Variants in SLC12A1 observed in about 807,000 individuals in gnomAD.
The protein encoded by SLC12A1 is solute carrier family 12 member 1.
In SLC12A1, 89 loss-of-function variants were observed where a neutral mutation model predicts 130.4. That is an observed-to-expected ratio of 0.68 (90% CI 0.58 to 0.81). The LOEUF (loss-of-function observed/expected upper bound fraction) is 0.81. Among genes scored for constraint, SLC12A1 ranks in the 40% least tolerant of loss-of-function variants. The pLI is 0.00. For missense variants in SLC12A1, 1,310 were observed against 1,336.4 expected, an observed-to-expected ratio of 0.98 and a Z score of 0.31; for synonymous variants, 499 against 460.0, an observed-to-expected ratio of 1.08 and a Z score of -1.09.
chr15:48,240,030 C>CATATATATATAT (rs796802835), intron 9 of SLC12A1, among the ~76,000 whole-genome samples: 27 of 13,128 alleles, frequency 2.1e-3, no homozygotes, highest in East Asian at 0.014. Flanking sequence ...TATATATATC[C>CATATATATATAT]ATATATATAT....
At position 48,207,672 on chromosome 15, in the gene SLC12A1, T is replaced by A. The variant is rs1457576858; in HGVS notation, c.-48T>A. 6.9e-7 allele frequency: 1 copy of A among 1,451,204 alleles called. No homozygotes were observed. Among genetic ancestry groups the A allele is most frequent in the Non-Finnish European group, 9.1e-7 (1 of 1,093,984 alleles). 89.9% of individuals were successfully genotyped at this position (1,451,204 alleles called of 1,614,324 possible). On this transcript the variant is annotated 5_prime_UTR_variant, in exon 2 of 27. The change creates a premature stop within an existing upstream ORF in the 5' untranslated region. Transcript: ENST00000380993. ...TTGATGAAGAAATATATAGATTTTT[T>A]AAAACAACCACAAAGTAGATAGCTC... is the stretch of plus-strand genomic sequence containing the variant.
At chr15:48,276,430 T>A (rs2041954969) in intron 20 of SLC12A1, among the ~76,000 whole-genome samples, 1 of 152,068 alleles carries the variant, frequency 6.6e-6, no homozygotes, top group Non-Finnish European at 1.5e-5. Flanking sequence ...AAAGAGGTAA[T>A]TAAGGTAAAA....
Position 48,244,013 on chromosome 15 carries a change from C to T in SLC12A1, c.1301-740C>T, listed in dbSNP as rs2041548290. Among the ~76,000 whole-genome samples the T allele has an allele frequency of 1.3e-5, 2 of 152,122 alleles. 1 individual carries two copies. Among genetic ancestry groups the T allele is most frequent in the Admixed American group, 1.3e-4 (2 of 15,278 alleles). On this transcript the variant is annotated intron_variant, in intron 10 of 26. Coordinates refer to ENST00000380993, the MANE Select transcript of SLC12A1 (RefSeq NM_000338.3). ...AGTGATTAAAATATATATCAAGAGT[C>T]TTCTAAATGACCATAATTCTATTTT...
chr15:48,292,156 G>A (rs1446537856), intron 24 of SLC12A1, among the ~76,000 whole-genome samples: 8 of 152,198 alleles, frequency 5.3e-5, no homozygotes, highest in Admixed American at 1.3e-4. Context: ...AGAGCAGCAC[G>A]AAGTGCAAGG....
chr15:48,277,291 T>C (rs1260557851), intron 20 of SLC12A1, among the ~76,000 whole-genome samples: 1 of 149,688 alleles, frequency 6.7e-6, no homozygotes, highest in Non-Finnish European at 1.5e-5. Flanking sequence ...AATGGAAGAG[T>C]TGGCCTGAAA....
chr15:48,208,276 C>A, intron 2 of SLC12A1, 137 bp downstream of exon 2: 1 of 855,344 alleles, frequency 1.2e-6, no homozygotes, highest in Non-Finnish European at 1.7e-6. Flanking sequence ...ATCTTACTTA[C>A]AAAACTGTCC....
At chr15:48,235,764 G>A (rs1284747225) in intron 9 of SLC12A1, among the ~76,000 whole-genome samples, 6 of 152,034 alleles carry the variant, frequency 3.9e-5, no homozygotes, top group Non-Finnish European at 8.8e-5. Flanking sequence ...AATAAGAAAA[G>A]TCTGCTCCAA....
intron 17 of SLC12A1, among the ~76,000 whole-genome samples, chr15:48,267,266 T>G (rs2041842062): frequency 6.6e-6 from 1 of 152,210 alleles, no homozygotes; most frequent in Non-Finnish European, 1.5e-5. Context: ...AGTCACATTT[T>G]CAGTATTTTC....
chr15:48,212,786 A>C (rs1597395404), intron 2 of SLC12A1, among the ~76,000 whole-genome samples: 2 of 152,328 alleles, frequency 1.3e-5, no homozygotes, highest in Non-Finnish European at 2.9e-5. Flanking sequence ...GACAAATATT[A>C]TTCTTAAAGA....
intron 2 of SLC12A1, 92 bp downstream of exon 2, chr15:48,208,231 C>G: frequency 2.4e-6 from 3 of 1,275,038 alleles, no homozygotes; most frequent in Middle Eastern, 1.9e-4. Context: ...GAATGTGAAA[C>G]AGTCAAATGG....
chr15:48,230,626 A>G, intron 7 of SLC12A1, 123 bp downstream of exon 7: 1 of 692,886 alleles, frequency 1.4e-6, no homozygotes, highest in Non-Finnish European at 2.6e-6. Flanking sequence ...TGAAATGAGC[A>G]GGCAAGTGCT....
At chr15:48,289,391 TGACATATA>T (rs1566857899) in intron 23 of SLC12A1, among the ~76,000 whole-genome samples, 1 of 33,622 alleles carries the variant, frequency 3.0e-5, no homozygotes, top group African/African-American at 1.1e-4. Flanking sequence ...GCTGTGAATG[TGACATATA>T]TATATATATA....
chr15:48,262,752 T>C (rs1486086219), intron 17 of SLC12A1, among the ~76,000 whole-genome samples: 2 of 152,216 alleles, frequency 1.3e-5, no homozygotes, highest in African/African-American at 2.4e-5. Flanking sequence ...TCATTTGTTC[T>C]TTTGTACCTA....
rs199510900 is a variant in SLC12A1 at position 48,220,646 on chromosome 15, A to G, written c.433A>G (p.Thr145Ala). ...CTATAAAATGCAGAATGTGGCAGTC[A>G]CCCCAAGTTCAGCTGACAGAGTTGC... ...HEQLAKNVAV[T>A]PSSADRVANG... Residue 145 changes from threonine (T) to alanine (A), a missense_variant, in exon 3 of 27, where the codon ACC becomes GCC. Transcript: ENST00000380993. 1.8e-5 allele frequency: 29 copies of G among 1,613,240 alleles called. No individual in the cohort carries two copies. Among genetic ancestry groups the G allele is most frequent in the Non-Finnish European group, 1.9e-5 (22 of 1,179,556 alleles).
intron 20 of SLC12A1, among the ~76,000 whole-genome samples, chr15:48,275,330 A>G (rs2041940848): frequency 1.3e-5 from 2 of 152,210 alleles, no homozygotes; most frequent in Non-Finnish European, 2.9e-5. Context: ...AAGAAAAAAC[A>G]ATGCTTTTCT....
chr15:48,220,581 G>T, intron 2 of SLC12A1, 53 bp from the exon 3 acceptor site: 1 of 1,519,212 alleles, frequency 6.6e-7, no homozygotes. Context: ...AAGTTTCATG[G>T]AACCCTTTGT....
In SLC12A1 at chr15:48,288,508, A is replaced by C; in HGVS notation, c.2865A>C (p.Glu955Asp). 1 of 1,485,494 alleles carries C rather than the reference A, an allele frequency of 6.7e-7. No individual in the cohort carries two copies. The highest frequency in any genetic ancestry group is 9.2e-7 in the Non-Finnish European group (1 of 1,086,148). The allele number at this position is 1,485,494 out of a possible 1,614,324, so 92.0% of individuals were successfully genotyped here. Reference sequence around the variant, plus strand: ...GGAAGATCAACCGCATTGAAGAAGAAAAAATTGTGTAAGTAGTTTGCCACT... The same window carrying C: ...GGAAGATCAACCGCATTGAAGAAGACAAAATTGTGTAAGTAGTTTGCCACT... ...VGGKINRIEEEKIVMASLLSK... is the reference protein window; with the variant it reads ...VGGKINRIEEDKIVMASLLSK... Residue 955 changes from glutamate to aspartate, a missense_variant, in exon 23 of 27, where the codon GAA becomes GAC. Physicochemically the swap from Glu to Asp is conservative, Grantham distance 45. Transcript: ENST00000380993.
At chr15:48,294,069 G>T (rs1404490311) in intron 24 of SLC12A1, among the ~76,000 whole-genome samples, 1 of 150,278 alleles carries the variant, frequency 6.7e-6, no homozygotes, top group African/African-American at 2.5e-5. Context: ...AGAAAAAGGA[G>T]CCAAGCACTG....
chr15:48,288,271 A>G, intron 22 of SLC12A1, 97 bp downstream of exon 22: 1 of 1,281,004 alleles, frequency 7.8e-7, no homozygotes, highest in Admixed American at 2.2e-5. Flanking sequence ...TGGTTAAAGA[A>G]TAACATTTCT....
Sources: gnomAD v4.1 joint callset for allele counts (sites outside exome capture counted in the v4.1 genomes callset) on GRCh38, gnomAD v4.1.1 for gene constraint, MANE v1.5 for transcripts, NCBI Gene and HGNC (gene_info 2026-07-23, HGNC 2026-07-21) for gene names.